The following GALNT18 variants were observed in gnomAD, a reference collection of about 807,000 sequenced individuals.
GALNT18 encodes GalNAc-transferase 18.
Under a neutral mutation model 69.5 loss-of-function variants are expected in GALNT18, and 44 were observed. The ratio of observed to expected loss-of-function variants is 0.63; its 90% CI spans 0.50 to 0.81. GALNT18 has a LOEUF of 0.81. GALNT18 is among the 40% of genes least tolerant of loss of function. GALNT18 has a pLI of 0.00. For missense variants in GALNT18, 715 were observed against 810.0 expected (o/e 0.88, Z 1.42); for synonymous variants, 364 against 318.2 (o/e 1.14, Z -1.53).
Position 11,540,470 on chromosome 11 carries a change from G to A in GALNT18, c.235+80889C>T, listed in dbSNP as rs556430491. On this transcript the variant is annotated intron_variant, in intron 1 of 10. Transcript: ENST00000227756. The surrounding 1 kb of genome is among the most constrained non-coding windows in gnomAD (Gnocchi z 4.6). ...GTGATACCTTGCCAATAGGAGACAC[G>A]GCTGTTCCTCATTTCATGACCAAGT... 4.6e-5 allele frequency among the ~76,000 whole-genome samples: 7 copies of A among 152,154 alleles called. 1 individual carries two copies. The South Asian group carries it at 1.0e-3, about 23-fold the overall frequency.
chr11:11,352,672 T>C (rs549744081), intron 6 of GALNT18: 4 of 1,613,320 alleles, frequency 2.5e-6, no homozygotes, highest in African/African-American at 1.3e-5. Context: ...ATAATTCCCA[T>C]GCTGTGACAA....
chr11:11,290,301 TCTC>T (rs1849274339), intron 10 of GALNT18, among the ~76,000 whole-genome samples: 1 of 152,182 alleles, frequency 6.6e-6, no homozygotes, highest in South Asian at 2.1e-4. Context: ...TGCATCTCAA[TCTC>T]CTGCTAACTC....
chr11:11,499,986 T>C (rs938528500), intron 1 of GALNT18, among the ~76,000 whole-genome samples: 7 of 151,778 alleles, frequency 4.6e-5, no homozygotes, highest in Non-Finnish European at 1.0e-4. Context: ...GTTCCAATTA[T>C]CAAAGAGAAA....
rs763937514 is a variant in GALNT18, at chr11:11,582,845, C to A, written c.235+38514G>T. Among the ~76,000 whole-genome samples the A allele has an allele frequency of 3.3e-5, 5 of 152,136 alleles. No individual in the cohort carries two copies. Among genetic ancestry groups the A allele is most frequent in the Admixed American group, 6.5e-5 (1 of 15,280 alleles). The stretch of plus-strand genomic sequence containing the variant: ...TCTAGTTGTTGAGTGAAGAACGGAC[C>A]CACATCAGCTGCACCTCTTTCTCCA... On this transcript the variant is annotated intron_variant, in intron 1 of 10. Transcript: ENST00000227756. The surrounding 1 kb of genome is among the most constrained non-coding windows in gnomAD (Gnocchi z 5.0).
rs1323642183 is a variant in GALNT18, at chr11:11,573,875, G to C, written c.235+47484C>G. 1 of 152,150 alleles carries C rather than the reference G, an allele frequency of 6.6e-6. No individual in the cohort carries two copies. Among genetic ancestry groups the C allele is most frequent in the Admixed American group, 6.5e-5 (1 of 15,280 alleles). The allele number at this position is 152,150 out of a possible 1,614,324, so 9.4% of individuals were successfully genotyped here. On this transcript the variant is annotated intron_variant, in intron 1 of 10. Coordinates refer to ENST00000227756, the MANE Select transcript of GALNT18 (RefSeq NM_198516.3). This position sits in a 1 kb window ranked among gnomAD's most constrained non-coding sequence, Gnocchi z 4.6. ...TGAGCACTGTGCTGGGGCTTTCTGT[G>C]CACCATCTTCATTTGGTGCATTTTG...
Position 11,377,012 on chromosome 11 carries a change from C to A in GALNT18, c.977+170G>T, listed in dbSNP as rs955902048. ...TGAGGCTGTGAATGGATTCTGAGAT[C>A]TTCAGAGCCTGTGGCAGTGACTGAA... On this transcript the variant is annotated intron_variant, in intron 5 of 10. Coordinates refer to ENST00000227756, the MANE Select transcript of GALNT18 (RefSeq NM_198516.3). This position sits in a 1 kb window ranked among gnomAD's most constrained non-coding sequence, Gnocchi z 4.6. Among the ~76,000 whole-genome samples, 1 of 152,192 alleles carries A rather than the reference C, an allele frequency of 6.6e-6. No homozygotes were observed. Among genetic ancestry groups the A allele is most frequent in the Non-Finnish European group, 1.5e-5 (1 of 68,036 alleles).
At chr11:11,305,923 C>T (rs1480024140) in intron 9 of GALNT18, among the ~76,000 whole-genome samples, 1 of 152,160 alleles carries the variant, frequency 6.6e-6, no homozygotes, top group African/African-American at 2.4e-5. Flanking sequence ...GAAATTCATG[C>T]AGGTGCACTC....
In GALNT18 at chr11:11,404,149, G is replaced by C. The variant is rs1854532966; in HGVS notation, c.596-24885C>G. Reference sequence around the variant, plus strand: ...TGTCTCATGGGCTCCCCATGAAACGGGCTTTCTCTTCCGTAAAGGAGTGAG... The same window carrying C: ...TGTCTCATGGGCTCCCCATGAAACGCGCTTTCTCTTCCGTAAAGGAGTGAG... On this transcript the variant is annotated intron_variant, in intron 3 of 10. Coordinates refer to ENST00000227756, the MANE Select transcript of GALNT18 (RefSeq NM_198516.3). This position sits in a 1 kb window ranked among gnomAD's most constrained non-coding sequence, Gnocchi z 4.5. Among the ~76,000 whole-genome samples the C allele has an allele frequency of 6.6e-6, 1 of 152,212 alleles. No individual in the cohort carries two copies. Among genetic ancestry groups the C allele is most frequent in the African/African-American group, 2.4e-5 (1 of 41,468 alleles).
chr11:11,575,078 T>G (rs1404137240), intron 1 of GALNT18, among the ~76,000 whole-genome samples: 1 of 152,220 alleles, frequency 6.6e-6, no homozygotes, highest in East Asian at 1.9e-4. Flanking sequence ...GAGAGGTTTA[T>G]TTAAGCCAGT....
Position 11,613,542 on chromosome 11 carries a change from G to T in GALNT18, c.235+7817C>A, listed in dbSNP as rs1029458043. 1.1e-4 allele frequency among the ~76,000 whole-genome samples: 16 copies of T among 152,180 alleles called. No individual in the cohort carries two copies. Among genetic ancestry groups the T allele is most frequent in the African/African-American group, 3.9e-4 (16 of 41,430 alleles). ...TGCATCCTCCTAGCCCTGCCCTAGG[G>T]CACATGCCTTGTATGTAGGCCTATG... On this transcript the variant is annotated intron_variant, in intron 1 of 10. Transcript: ENST00000227756. The surrounding 1 kb of genome is among the most constrained non-coding windows in gnomAD (Gnocchi z 4.2).
rs1850320514 is a variant in GALNT18 at position 11,347,261 on chromosome 11, A to T, written c.1093-6257T>A. On this transcript the variant is annotated intron_variant, in intron 6 of 10. Transcript: ENST00000227756. This position sits in a 1 kb window ranked among gnomAD's most constrained non-coding sequence, Gnocchi z 4.0. ...AAATGATGCCCAGTACTTGAGACAC[A>T]ACTGAGAGTTGTAAATTGGGTTAAA... Among the ~76,000 whole-genome samples the T allele has an allele frequency of 1.3e-5, 2 of 152,234 alleles. No individual in the cohort carries two copies. Among genetic ancestry groups the T allele is most frequent in the African/African-American group, 4.8e-5 (2 of 41,456 alleles).
chr11:11,399,977 G>T (rs916587216), intron 3 of GALNT18, among the ~76,000 whole-genome samples: 3 of 152,170 alleles, frequency 2.0e-5, no homozygotes, highest in Non-Finnish European at 4.4e-5. Flanking sequence ...CTTCAAAAAT[G>T]AAGCTTTATT....
rs892375885 is a variant in GALNT18 at position 11,605,440 on chromosome 11, C to T, written c.235+15919G>A. On this transcript the variant is annotated intron_variant, in intron 1 of 10. Transcript: ENST00000227756. This position sits in a 1 kb window ranked among gnomAD's most constrained non-coding sequence, Gnocchi z 4.7. Reference sequence around the variant, plus strand: ...AACAGCAAGTCCTAACTTGCCAGGCCGCCAGTCACCGCCACCCTGAAGACA... The same window carrying T: ...AACAGCAAGTCCTAACTTGCCAGGCTGCCAGTCACCGCCACCCTGAAGACA... 6.6e-5 allele frequency among the ~76,000 whole-genome samples: 10 copies of T among 152,190 alleles called. No individual in the cohort carries two copies. The highest frequency in any genetic ancestry group is 2.0e-4 in the Admixed American group (3 of 15,286).
At chr11:11,327,045 A>G in intron 9 of GALNT18, 41 bp downstream of exon 9, 3 of 1,407,658 alleles carry the variant, frequency 2.1e-6, no homozygotes, top group Non-Finnish European at 3.0e-6. Context: ...CCAGGCACTC[A>G]TATGCACACT....
At chr11:11,568,827 T>C (rs1016092488) in intron 1 of GALNT18, among the ~76,000 whole-genome samples, 1 of 152,252 alleles carries the variant, frequency 6.6e-6, no homozygotes, top group Non-Finnish European at 1.5e-5. Context: ...TCCTTGGAGA[T>C]GTCTTAGCCG....
At chr11:11,296,640 T>G (rs529097391) in intron 9 of GALNT18, among the ~76,000 whole-genome samples, 55 of 152,312 alleles carry the variant, frequency 3.6e-4, no homozygotes, top group Middle Eastern at 3.4e-3. Flanking sequence ...TTTATCCACT[T>G]AGCTGCTCTG....
At position 11,463,526 on chromosome 11, in the gene GALNT18, T is replaced by C. The variant is rs1856091737; in HGVS notation, c.236-14590A>G. ...CGTCCCCTGGGAGCCCTAGCTGTTG[T>C]GGCCCCAGGGCTGAGCGTGCCATCA... On this transcript the variant is annotated intron_variant, in intron 1 of 10. Transcript: ENST00000227756. The surrounding 1 kb of genome is among the most constrained non-coding windows in gnomAD (Gnocchi z 4.2). Among the ~76,000 whole-genome samples the C allele has an allele frequency of 6.6e-6, 1 of 152,200 alleles. No homozygotes were observed. The highest frequency in any genetic ancestry group is 1.5e-5 in the Non-Finnish European group (1 of 68,034).
At position 11,432,138 on chromosome 11, in the gene GALNT18, A is replaced by C. The variant is rs76164081; in HGVS notation, c.595+483T>G. 0.06 allele frequency among the ~76,000 whole-genome samples: 9,164 copies of C among 152,274 alleles called. 388 individuals carry two copies. The highest frequency in any genetic ancestry group is 0.083 in the Non-Finnish European group (5,669 of 68,010). On this transcript the variant is annotated intron_variant, in intron 3 of 10. Coordinates refer to ENST00000227756, the MANE Select transcript of GALNT18 (RefSeq NM_198516.3). The surrounding 1 kb of genome is among the most constrained non-coding windows in gnomAD (Gnocchi z 5.8). ...GACATTCAACAAGTCTGTTGCTGTC[A>C]TTGAGTTACGTGTCCACTGCCATCC...
chr11:11,522,620 A>G (rs1485100119), intron 1 of GALNT18, among the ~76,000 whole-genome samples: 3 of 152,152 alleles, frequency 2.0e-5, no homozygotes, highest in African/African-American at 7.2e-5. Flanking sequence ...ACTGCAGAAG[A>G]GCTCAAAGCC....
Sources: gnomAD v4.1 joint callset for allele counts (sites outside exome capture counted in the v4.1 genomes callset) on GRCh38, gnomAD v4.1.1 for gene constraint, Gnocchi (gnomAD v3.1) non-coding constraint, MANE v1.5 for transcripts, NCBI Gene and HGNC (gene_info 2026-07-23, HGNC 2026-07-21) for gene names.